SHISA9: variants seen among roughly 807,000 people sequenced by gnomAD.
The protein encoded by SHISA9 is shisa family member 9.
SHISA9 carries 13 observed loss-of-function variants against 38.0 expected under a neutral mutation model. The observed-to-expected ratio is 0.34, with a 90% CI of 0.22 to 0.54. The LOEUF is 0.54. Ranked by LOEUF, SHISA9 falls within the 20% of genes least tolerant of loss-of-function variation. SHISA9 has a pLI of 0.91. For missense variants in SHISA9, 538 were observed against 575.8 expected, an observed-to-expected ratio of 0.93 and a Z score of 0.67; for synonymous variants, 275 against 242.0, an observed-to-expected ratio of 1.14 and a Z score of -1.27.
At chr16:13,380,442 AT>A in the SHISA9 span, among the ~76,000 whole-genome samples, 1 of 152,174 alleles carries the variant, frequency 6.6e-6, no homozygotes, top group African/African-American at 2.4e-5. Flanking sequence ...TTCCACAGTA[AT>A]GTTAGAAACT....
intron 2 of SHISA9, among the ~76,000 whole-genome samples, chr16:12,935,242 A>C (rs1032740207): frequency 3.3e-5 from 5 of 152,182 alleles, no homozygotes; most frequent in African/African-American, 1.2e-4. Context: ...AAAGGGAAAC[A>C]AACAAACCTC....
the SHISA9 span, among the ~76,000 whole-genome samples, chr16:13,535,479 G>T: frequency 6.6e-6 from 1 of 152,198 alleles, no homozygotes; most frequent in African/African-American, 2.4e-5. Flanking sequence ...TATGCTCCTT[G>T]AGCCCAAGCC....
the SHISA9 span, among the ~76,000 whole-genome samples, chr16:13,257,368 C>G: frequency 6.6e-6 from 1 of 152,152 alleles, no homozygotes; most frequent in Non-Finnish European, 1.5e-5. Flanking sequence ...TGGGACTCTC[C>G]TTTCTGATCA....
the SHISA9 span, among the ~76,000 whole-genome samples, chr16:13,383,797 G>A: frequency 2.0e-5 from 3 of 152,088 alleles, no homozygotes; most frequent in Non-Finnish European, 4.4e-5. Flanking sequence ...CCATAGGCGC[G>A]AGCCACTATG....
Position 13,203,521 on chromosome 16 carries a change from C to T in SHISA9, c.819C>T (p.Leu273=). ...PYEQQPPGKE[L]NKYASLKAVG... The stretch of plus-strand genomic sequence containing the variant: ...AACAGCAGCCACCAGGAAAAGAGCT[C>T]AACAAGTACGCCTCCTTAAAGGCAG... The change falls in exon 3 of 5, where the codon CTC becomes CTT. Residue 273 remains leucine (L), a synonymous_variant. Transcript: ENST00000558583. 6.5e-7 allele frequency: 1 copy of T among 1,544,662 alleles called. No homozygotes were observed. Among genetic ancestry groups the T allele is most frequent in the Non-Finnish European group, 8.7e-7 (1 of 1,143,848 alleles).
chr16:13,263,855 T>C, the SHISA9 span, among the ~76,000 whole-genome samples: 7 of 152,216 alleles, frequency 4.6e-5, no homozygotes, highest in African/African-American at 1.4e-4. Flanking sequence ...AGAAACTTCT[T>C]GTGATTCTAT....
chr16:13,025,524 G>A (rs1220365446), intron 2 of SHISA9, among the ~76,000 whole-genome samples: 1 of 152,188 alleles, frequency 6.6e-6, no homozygotes, highest in African/African-American at 2.4e-5. Flanking sequence ...TAGAGGTGCT[G>A]ACCTAATTGT....
At chr16:13,495,668 A>G in the SHISA9 span, among the ~76,000 whole-genome samples, 1 of 152,020 alleles carries the variant, frequency 6.6e-6, no homozygotes, top group Non-Finnish European at 1.5e-5. Flanking sequence ...GAATGTAAAA[A>G]GTAAACATTT....
intron 4 of SHISA9, among the ~76,000 whole-genome samples, chr16:13,233,572 A>G (rs764265954): frequency 1.1e-4 from 16 of 152,234 alleles, no homozygotes; most frequent in Non-Finnish European, 1.5e-4. Context: ...CCAGCACTCA[A>G]TTCTACCACA....
chr16:13,428,956 C>T, the SHISA9 span, among the ~76,000 whole-genome samples: 3 of 151,560 alleles, frequency 2.0e-5, no homozygotes, highest in Non-Finnish European at 4.4e-5. Flanking sequence ...TAGTAGAGAC[C>T]GGGTTTTGCT....
chr16:13,119,812 T>G (rs971788953), intron 2 of SHISA9, among the ~76,000 whole-genome samples: 1 of 152,216 alleles, frequency 6.6e-6, no homozygotes, highest in Non-Finnish European at 1.5e-5. Context: ...AACTAGTTAT[T>G]TCAGGCAAGT....
chr16:13,241,469 G>A (rs34342328), downstream of SHISA9, among the ~76,000 whole-genome samples: 1,320 of 152,252 alleles, frequency 8.7e-3, 9 homozygotes, highest in Non-Finnish European at 0.015. Flanking sequence ...TCACACCATT[G>A]CATTCCAGCC....
chr16:13,544,429 G>GTTT, the SHISA9 span, among the ~76,000 whole-genome samples: 18,424 of 101,950 alleles, frequency 0.18, 1,998 homozygotes, highest in Non-Finnish European at 0.2. Context: ...TTTTTTTCTT[G>GTTT]TTTTTTTTTT....
At position 13,236,996 on chromosome 16, in the gene SHISA9, G is replaced by T. The variant is rs1280308690; in HGVS notation, c.*1587G>T. On this transcript the variant is annotated 3_prime_UTR_variant, in exon 5 of 5. Coordinates refer to ENST00000558583, the MANE Select transcript of SHISA9 (RefSeq NM_001145204.3). The stretch of plus-strand genomic sequence containing the variant: ...TGTGTTTGTTTTGTGGAAGCCCAAA[G>T]AAGTGGATTGAGAGAGAAGAGATTT... The T allele has an allele frequency of 6.6e-6, 1 of 152,176 alleles. No individual in the cohort carries two copies. Among genetic ancestry groups the T allele is most frequent in the East Asian group, 1.9e-4 (1 of 5,186 alleles). 9.4% of individuals were successfully genotyped at this position (152,176 alleles called of 1,614,324 possible). A position where few individuals can be genotyped will look rare whatever the true frequency, so the allele number is the denominator to read the frequency against.
chr16:13,316,395 A>T, the SHISA9 span, among the ~76,000 whole-genome samples: 1 of 152,132 alleles, frequency 6.6e-6, no homozygotes. Context: ...ACAGAATGTG[A>T]CCTCTCCTTG....
the SHISA9 span, among the ~76,000 whole-genome samples, chr16:13,397,415 GGTTT>G: frequency 0.011 from 1,660 of 151,846 alleles, 38 homozygotes; most frequent in African/African-American, 0.039. Flanking sequence ...CAGTGTTTTT[GGTTT>G]GTTTGTTTGT....
chr16:13,474,556 G>GA, the SHISA9 span, among the ~76,000 whole-genome samples: 1 of 152,154 alleles, frequency 6.6e-6, no homozygotes, highest in Non-Finnish European at 1.5e-5. Context: ...ACCTAGCCAT[G>GA]AATTACAAGG....
At chr16:13,049,153 AGTATGTGTGTGTGTGTGTGTGT>A (rs1461717357) in intron 2 of SHISA9, among the ~76,000 whole-genome samples, 4 of 138,402 alleles carry the variant, frequency 2.9e-5, no homozygotes, top group Non-Finnish European at 6.3e-5. Flanking sequence ...TTTGGTTAGG[AGTATGTGTGTGTGTGTGTGTGT>A]GTGTGTGTGT....
At chr16:13,527,209 T>C in the SHISA9 span, among the ~76,000 whole-genome samples, 2 of 152,208 alleles carry the variant, frequency 1.3e-5, no homozygotes, top group African/African-American at 4.8e-5. Context: ...AATATTATTA[T>C]AAGTTTTCTT....
Sources: allele counts gnomAD v4.1 joint callset (sites outside exome capture counted in the v4.1 genomes callset), GRCh38; gene constraint gnomAD v4.1.1; transcripts MANE v1.5; gene names NCBI Gene and HGNC (gene_info 2026-07-23, HGNC 2026-07-21).